WDR3: variants seen among roughly 807,000 people sequenced by gnomAD.
WDR3 encodes the protein WD repeat-containing protein 3.
WDR3 carries 81 observed loss-of-function variants against 123.7 expected under a neutral mutation model. The observed-to-expected ratio is 0.65, with a 90% CI of 0.55 to 0.79. The LOEUF (loss-of-function observed/expected upper bound fraction) is 0.79. Among genes scored for constraint, WDR3 ranks in the 30% least tolerant of loss-of-function variants. WDR3 has a pLI of 0.00. For missense variants in WDR3, 1,027 were observed against 1,123.2 expected (o/e 0.91, Z 1.22); for synonymous variants, 390 against 388.8 (o/e 1.00, Z -0.04).
Position 117,966,391 on chromosome 1 carries a change from A to G in WDR3, c.*6944A>G, listed in dbSNP as rs1053019235. 43 of 398,348 alleles carry G rather than the reference A, an allele frequency of 1.1e-4. No homozygotes were observed. Among genetic ancestry groups the G allele is most frequent in the Non-Finnish European group, 1.0e-4 (23 of 226,616 alleles). The allele number at this position is 398,348 out of a possible 1,614,324, so 24.7% of individuals were successfully genotyped here. On this transcript the variant is annotated 3_prime_UTR_variant, in exon 27 of 27. Transcript: ENST00000349139. ...AGCCAATAACATTTACATTTATTCA[A>G]TCTGAAGTTACTGCACATATACTAT...
chr1:117,953,333 A>C, intron 20 of WDR3, 143 bp from the exon 21 acceptor site: 1 of 818,452 alleles, frequency 1.2e-6, no homozygotes, highest in South Asian at 1.6e-5. Flanking sequence ...ACATATGCTA[A>C]GTTCTGTTAC....
At chr1:117,946,057 A>G (rs1315340206) in intron 11 of WDR3, 29 bp from the exon 12 acceptor site, 3 of 1,568,012 alleles carry the variant, frequency 1.9e-6, no homozygotes, top group Non-Finnish European at 2.6e-6. Flanking sequence ...TTCTCTTAAC[A>G]TGAGTTCTTT....
At position 117,934,658 on chromosome 1, in the gene WDR3, A is replaced by T. The variant is rs564236224; in HGVS notation, c.357A>T (p.Gly119=). 1 of 1,613,498 alleles carries T rather than the reference A, an allele frequency of 6.2e-7. No individual in the cohort carries two copies. Among genetic ancestry groups the T allele is most frequent in the African/African-American group, 1.3e-5 (1 of 74,910 alleles). ...AITTLKYDQL[G]GRLASGSKDT... is the part of the protein sequence containing the mutation. ...CTACCTTGAAGTATGATCAGCTAGG[A>T]GGCAGACTGGCATCTGGGTCCAAGG... The change falls in exon 3 of 27, where the codon GGA becomes GGT. Residue 119 remains glycine, a synonymous_variant. Transcript: ENST00000349139.
In WDR3 at chr1:117,965,562, CCAT is replaced by C. The variant is rs1272555102; in HGVS notation, c.*6116_*6118del. The C allele has an allele frequency of 6.6e-6, 1 of 152,250 alleles. No individual in the cohort carries two copies. Among genetic ancestry groups the C allele is most frequent in the Non-Finnish European group, 1.5e-5 (1 of 68,066 alleles). 9.4% of individuals were successfully genotyped at this position (152,250 alleles called of 1,614,324 possible). A position where few individuals can be genotyped will look rare whatever the true frequency, so the allele number is the denominator to read the frequency against. Reference sequence around the variant, plus strand: ...CAGATTTTGCAGTTTCCTTCCCCCACCATGTCTTTCATTCATGTCCCTCTTTTA... The same window carrying C: ...CAGATTTTGCAGTTTCCTTCCCCCACGTCTTTCATTCATGTCCCTCTTTTA... On this transcript the variant is annotated 3_prime_UTR_variant, in exon 27 of 27. Coordinates refer to ENST00000349139, the MANE Select transcript of WDR3 (RefSeq NM_006784.3).
Position 117,959,616 on chromosome 1 carries a change from A to T in WDR3, c.*169A>T, listed in dbSNP as rs1652758806. 1 of 624,826 alleles carries T rather than the reference A, an allele frequency of 1.6e-6. No individual in the cohort carries two copies. Among genetic ancestry groups the T allele is most frequent in the African/African-American group, 1.9e-5 (1 of 53,078 alleles). 38.7% of individuals were successfully genotyped at this position (624,826 alleles called of 1,614,324 possible). ...TTGCCTGAGGGAATTCCAACATGAGATTATGGGCTGGCTCCATTTCTTGGA... is the reference window on the plus strand; with the variant it reads ...TTGCCTGAGGGAATTCCAACATGAGTTTATGGGCTGGCTCCATTTCTTGGA... On this transcript the variant is annotated 3_prime_UTR_variant, in exon 27 of 27. Transcript: ENST00000349139.
intron 11 of WDR3, 41 bp downstream of exon 11, chr1:117,943,667 T>G (rs914545493): frequency 6.3e-7 from 1 of 1,576,784 alleles, no homozygotes; most frequent in Non-Finnish European, 8.6e-7. Flanking sequence ...GTTAGTAGTA[T>G]TTCTTTTAAT....
chr1:117,937,637 G>A (rs748162192), intron 4 of WDR3, among the ~76,000 whole-genome samples: 1 of 152,112 alleles, frequency 6.6e-6, no homozygotes, highest in Non-Finnish European at 1.5e-5. Flanking sequence ...GGAATATAAA[G>A]GCAAAGAAAT....
At chr1:117,933,561 G>A in intron 2 of WDR3, 71 bp downstream of exon 2, 2 of 1,588,430 alleles carry the variant, frequency 1.3e-6, no homozygotes, top group Non-Finnish European at 1.7e-6. Context: ...AGAAGTGGGG[G>A]GGCTCTGATT....
Position 117,941,861 on chromosome 1 carries a change from A to G in WDR3, c.989+14A>G. The G allele has an allele frequency of 6.3e-7, 1 of 1,596,768 alleles. No individual in the cohort carries two copies. Among genetic ancestry groups the G allele is most frequent in the Non-Finnish European group, 8.5e-7 (1 of 1,174,516 alleles). ...AAAGAAAGCAAAGTATGTTTTCTTA[A>G]TACTTACATTAATAATGAAGTATCC... On this transcript the variant is annotated intron_variant, in intron 9 of 26. Transcript: ENST00000349139.
rs774985783 is a variant in WDR3, at chr1:117,948,475, C to A, written c.1493C>A (p.Ala498Asp). The A allele has an allele frequency of 1.2e-6, 2 of 1,613,706 alleles. No individual in the cohort carries two copies. Among genetic ancestry groups the A allele is most frequent in the African/African-American group, 2.7e-5 (2 of 74,888 alleles). The change falls in exon 13 of 27, where the codon GCT (alanine) becomes GAT (aspartate). Residue 498 changes from alanine to aspartate, a missense_variant. By Grantham distance (126) the Ala-to-Asp change is moderately radical. Transcript: ENST00000349139. Reference protein sequence around the residue: ...LLETIDAHDGALWSMSLSPDQ... With the variant: ...LLETIDAHDGDLWSMSLSPDQ... Reference sequence around the variant, plus strand: ...GAGACAATAGATGCACATGATGGAGCTTTGTGGTCCATGTCCCTCTCTCCA... The same window carrying A: ...GAGACAATAGATGCACATGATGGAGATTTGTGGTCCATGTCCCTCTCTCCA...
chr1:117,943,950 C>T (rs1048539851), intron 11 of WDR3, among the ~76,000 whole-genome samples: 1 of 152,142 alleles, frequency 6.6e-6, no homozygotes, highest in Non-Finnish European at 1.5e-5. Flanking sequence ...CCTAATTTCT[C>T]ACCCTTCTTT....
rs1483871311 is a variant in WDR3 at position 117,960,237 on chromosome 1, C to G, written c.*790C>G. ...CACTGACCCACCCCTACGCCCCGCA[C>G]AGTCAAAAATCTGCATATAACTTTT... On this transcript the variant is annotated 3_prime_UTR_variant, in exon 27 of 27. Coordinates refer to ENST00000349139, the MANE Select transcript of WDR3 (RefSeq NM_006784.3). 1 of 151,872 alleles carries G rather than the reference C, an allele frequency of 6.6e-6. No individual in the cohort carries two copies. 9.4% of individuals were successfully genotyped at this position (151,872 alleles called of 1,614,324 possible).
chr1:117,948,554 C>T, intron 13 of WDR3, 48 bp downstream of exon 13: 1 of 1,437,542 alleles, frequency 7.0e-7, no homozygotes, highest in Non-Finnish European at 9.5e-7. Flanking sequence ...CTGTGGCTAC[C>T]CTGATTTCTC....
In WDR3 at chr1:117,938,572, C is replaced by A; in HGVS notation, c.579+14C>A. 6.2e-7 allele frequency: 1 copy of A among 1,609,364 alleles called. No individual in the cohort carries two copies. The highest frequency in any genetic ancestry group is 1.1e-5 in the South Asian group (1 of 90,282). On this transcript the variant is annotated intron_variant, in intron 5 of 26. Coordinates refer to ENST00000349139, the MANE Select transcript of WDR3 (RefSeq NM_006784.3). ...CACCGGACTGAGGTAAGTGTAGGGT[C>A]ATGGGCCCAGGGAAATAATGGGAAG...
At chr1:117,932,148 C>G (rs1000371551) in intron 1 of WDR3, among the ~76,000 whole-genome samples, 1 of 152,114 alleles carries the variant, frequency 6.6e-6, no homozygotes, top group Non-Finnish European at 1.5e-5. Context: ...ACCTCTTGTC[C>G]CTTTTATAAA....
chr1:117,933,270 CTTTG>C lies in WDR3; in HGVS notation c.-32-14_-32-11del. The C allele has an allele frequency of 1.3e-6, 2 of 1,594,508 alleles. No individual in the cohort carries two copies. Among genetic ancestry groups the C allele is most frequent in the Non-Finnish European group, 1.7e-6 (2 of 1,167,948 alleles). On this transcript the variant is annotated splice_polypyrimidine_tract_variant and intron_variant, in intron 1 of 26. Coordinates refer to ENST00000349139, the MANE Select transcript of WDR3 (RefSeq NM_006784.3). Reference sequence around the variant, plus strand: ...CAAGGCACCCAAGGAGCTGAGTTTTCTTTGTTTATATGCACAGATTGCTTCACCT... The same window carrying C: ...CAAGGCACCCAAGGAGCTGAGTTTTCTTTATATGCACAGATTGCTTCACCT...
rs1249222091 is a variant in WDR3 at position 117,960,338 on chromosome 1, C to T, written c.*891C>T. On this transcript the variant is annotated 3_prime_UTR_variant, in exon 27 of 27. Coordinates refer to ENST00000349139, the MANE Select transcript of WDR3 (RefSeq NM_006784.3). ...ACTGATGTATTATATATATTGTATA[C>T]TGTATTCTTAAAGTAAGCTAGAGAA... 2.0e-5 allele frequency: 3 copies of T among 152,016 alleles called. No homozygotes were observed. The highest frequency in any genetic ancestry group is 2.4e-5 in the African/African-American group (1 of 41,362). The allele number at this position is 152,016 out of a possible 1,614,324, so 9.4% of individuals were successfully genotyped here.
chr1:117,952,157 A>G (rs1651641505), intron 17 of WDR3, 81 bp downstream of exon 17: 1 of 1,517,038 alleles, frequency 6.6e-7, no homozygotes, highest in Middle Eastern at 1.7e-4. Flanking sequence ...TCTATTTTTC[A>G]GTGTTCTCAG....
In WDR3 at chr1:117,940,749, C is replaced by CAAT. The variant is rs539385116; in HGVS notation, c.676-76_676-75insTAA. 1.4e-4 allele frequency: 182 copies of CAAT among 1,293,854 alleles called. No homozygotes were observed. In the African/African-American group the frequency reaches 2.7e-3, roughly 19 times the overall value. 80.1% of individuals were successfully genotyped at this position (1,293,854 alleles called of 1,614,324 possible). A position where few individuals can be genotyped will look rare whatever the true frequency, so the allele number is the denominator to read the frequency against. Reference sequence around the variant, plus strand: ...TCTCCGACAACAACAACAACAACAACAAAACAACAACAACAACAACAACAT... The same window carrying CAAT: ...TCTCCGACAACAACAACAACAACAACAATAAAACAACAACAACAACAACAACAT... On this transcript the variant is annotated intron_variant, in intron 6 of 26. Transcript: ENST00000349139.
Sources: allele counts gnomAD v4.1 joint callset (sites outside exome capture counted in the v4.1 genomes callset), GRCh38; gene constraint gnomAD v4.1.1; transcripts MANE v1.5; gene names NCBI Gene and HGNC (gene_info 2026-07-23, HGNC 2026-07-21).